F13A1: variants seen among roughly 807,000 people sequenced by gnomAD.
The protein encoded by F13A1 is coagulation factor XIII A chain.
F13A1 carries 47 observed loss-of-function variants against 80.1 expected under a neutral mutation model. That is an observed-to-expected ratio of 0.59 (90% CI 0.46 to 0.75). The LOEUF is 0.75. F13A1 is among the 30% of genes least tolerant of loss of function. The probability of loss-of-function intolerance (pLI) is 0.00; values close to 1 mark genes in which losing one functional copy is unlikely to be tolerated. For missense variants in F13A1, 817 were observed against 930.4 expected, an observed-to-expected ratio of 0.88 and a Z score of 1.59; for synonymous variants, 349 against 344.9, an observed-to-expected ratio of 1.01 and a Z score of -0.13.
At chr6:6,247,272 T>C (rs946591116) in intron 6 of F13A1, among the ~76,000 whole-genome samples, 7 of 152,260 alleles carry the variant, frequency 4.6e-5, no homozygotes, top group African/African-American at 1.7e-4. Context: ...TGATTTCATT[T>C]AGCTCAAAAG....
intron 10 of F13A1, among the ~76,000 whole-genome samples, chr6:6,186,182 C>T (rs1181229942): frequency 3.3e-4 from 49 of 150,504 alleles, no homozygotes; most frequent in African/African-American, 1.1e-3. Flanking sequence ...TGCCTGTTCA[C>T]TCTGATGGTA....
chr6:6,300,216 T>TGCCCTCA (rs535700542), intron 3 of F13A1, among the ~76,000 whole-genome samples: 1 of 129,796 alleles, frequency 7.7e-6, no homozygotes, highest in Non-Finnish European at 1.5e-5. Context: ...GTCTGTGCCC[T>TGCCCTCA]GAGGTGGAGC....
rs771866520 is a variant in F13A1 at position 6,174,775 on chromosome 6, T to G, written c.1552A>C (p.Asn518His). 1.2e-5 allele frequency: 19 copies of G among 1,614,108 alleles called. No individual in the cohort carries two copies. The highest frequency in any genetic ancestry group is 1.6e-4 in the Middle Eastern group (1 of 6,084). ...TCCACTTCAAAGTCCATGTCAACGT[T>G]GGACCTTGATTTCATGACACCTTCT... is the stretch of plus-strand genomic sequence containing the variant. ...NTEGVMKSRS[N>H]VDMDFEVENA... is the part of the protein sequence containing the mutation. The change falls in exon 12 of 15, where the codon AAC becomes CAC. Residue 518 changes from asparagine (N) to histidine (H), a missense_variant. Asn to His is a moderately conservative substitution (Grantham distance 68, BLOSUM62 1). Coordinates refer to ENST00000264870, the MANE Select transcript of F13A1 (RefSeq NM_000129.4).
At chr6:6,270,940 A>C (rs1757911448) in intron 3 of F13A1, among the ~76,000 whole-genome samples, 1 of 152,202 alleles carries the variant, frequency 6.6e-6, no homozygotes, top group African/African-American at 2.4e-5. Context: ...TCTCTGGGCC[A>C]ACTCATTTTT....
intron 3 of F13A1, among the ~76,000 whole-genome samples, chr6:6,293,019 T>C (rs1202477100): frequency 6.6e-6 from 1 of 152,208 alleles, no homozygotes; most frequent in African/African-American, 2.4e-5. Flanking sequence ...TGGGGCATGC[T>C]AATGCCATCC....
intron 7 of F13A1, among the ~76,000 whole-genome samples, chr6:6,222,382 T>C (rs1757207983): frequency 6.6e-6 from 1 of 152,202 alleles, no homozygotes; most frequent in Admixed American, 6.5e-5. Context: ...CCTTCAGAAT[T>C]GCAGCTGGTG....
intron 4 of F13A1, among the ~76,000 whole-genome samples, chr6:6,255,378 C>T (rs1757689824): frequency 6.6e-6 from 1 of 152,076 alleles, no homozygotes; most frequent in Non-Finnish European, 1.5e-5. Context: ...GAAACTGAGG[C>T]AGAGAGAAAC....
intron 3 of F13A1, among the ~76,000 whole-genome samples, chr6:6,296,847 A>G (rs1436154976): frequency 2.7e-5 from 4 of 148,664 alleles, no homozygotes; most frequent in Middle Eastern, 3.4e-3. Context: ...GAATGCTTCC[A>G]GTTTTGGCCC....
At chr6:6,202,306 A>G (rs973649093) in intron 8 of F13A1, among the ~76,000 whole-genome samples, 2 of 152,196 alleles carry the variant, frequency 1.3e-5, no homozygotes, top group African/African-American at 4.8e-5. Context: ...ATCTAGATCC[A>G]TAAGAGTTTT....
intron 3 of F13A1, among the ~76,000 whole-genome samples, chr6:6,290,047 T>C (rs563830515): frequency 1.3e-5 from 2 of 152,304 alleles, no homozygotes; most frequent in South Asian, 2.1e-4. Context: ...AGGCAAGGGA[T>C]GAACATATCT....
rs567236707 is a variant in F13A1 at position 6,252,142 on chromosome 6, T to TA, written c.572-1214dup. On this transcript the variant is annotated intron_variant, in intron 4 of 14. Coordinates refer to ENST00000264870, the MANE Select transcript of F13A1 (RefSeq NM_000129.4). The stretch of plus-strand genomic sequence containing the variant: ...AATTCAGAATATGGAAAGTTCTACA[T>TA]AAAAAATGACTCAGTTTCAGCCATA... 2.5e-3 allele frequency among the ~76,000 whole-genome samples: 386 copies of TA among 152,200 alleles called. 1 individual carries two copies. The highest frequency in any genetic ancestry group is 3.9e-3 in the Non-Finnish European group (267 of 68,014).
chr6:6,155,514 A>T (rs1016059435), intron 13 of F13A1, among the ~76,000 whole-genome samples: 1 of 152,062 alleles, frequency 6.6e-6, no homozygotes, highest in Non-Finnish European at 1.5e-5. Flanking sequence ...TTTTGCAATT[A>T]ACAAAGACCA....
intron 8 of F13A1, among the ~76,000 whole-genome samples, chr6:6,211,735 A>G (rs971351288): frequency 5.3e-5 from 8 of 152,216 alleles, no homozygotes; most frequent in African/African-American, 1.9e-4. Flanking sequence ...GACACAGAAG[A>G]CGGGTGATTT....
chr6:6,300,194 G>T (rs1243755285), intron 3 of F13A1, among the ~76,000 whole-genome samples: 1 of 119,646 alleles, frequency 8.4e-6, no homozygotes, highest in Non-Finnish European at 1.5e-5. Flanking sequence ...GGTTACTGCT[G>T]TCTTTTTGTT....
At chr6:6,225,507 T>A (rs1414945384) in intron 6 of F13A1, among the ~76,000 whole-genome samples, 1 of 151,988 alleles carries the variant, frequency 6.6e-6, no homozygotes, top group Non-Finnish European at 1.5e-5. Context: ...CTTTTCTCTC[T>A]CTCTCTCTCT....
intron 10 of F13A1, among the ~76,000 whole-genome samples, chr6:6,187,018 C>G (rs1258719598): frequency 1.8e-5 from 2 of 109,412 alleles, no homozygotes; most frequent in African/African-American, 7.7e-5. Context: ...TGATTTGGCT[C>G]TCTGTTTGTC....
chr6:6,254,793 C>T (rs558833358), intron 4 of F13A1, among the ~76,000 whole-genome samples: 4 of 152,124 alleles, frequency 2.6e-5, no homozygotes, highest in Admixed American at 6.5e-5. Flanking sequence ...AAATGGATGA[C>T]ATTACAACAA....
chr6:6,303,063 A>C (rs1454939286), intron 3 of F13A1, among the ~76,000 whole-genome samples: 2 of 152,224 alleles, frequency 1.3e-5, no homozygotes, highest in African/African-American at 4.8e-5. Flanking sequence ...ACAAGCAAAC[A>C]GATAAAATCT....
At chr6:6,291,543 G>A (rs1186099853) in intron 3 of F13A1, among the ~76,000 whole-genome samples, 1 of 152,074 alleles carries the variant, frequency 6.6e-6, no homozygotes, top group Admixed American at 6.6e-5. Flanking sequence ...AGTTCAACCA[G>A]TGTCCCCCAA....
Sources: gnomAD v4.1 joint callset for allele counts (sites outside exome capture counted in the v4.1 genomes callset) on GRCh38, gnomAD v4.1.1 for gene constraint, MANE v1.5 for transcripts, NCBI Gene and HGNC (gene_info 2026-07-23, HGNC 2026-07-21) for gene names.